SYBU: variants seen among roughly 807,000 people sequenced by gnomAD.
SYBU encodes the protein GOLSYN A protein.
SYBU carries 21 observed loss-of-function variants against 35.9 expected under a neutral mutation model. That is an observed-to-expected ratio of 0.58 (90% confidence interval 0.41 to 0.84). The LOEUF (loss-of-function observed/expected upper bound fraction) is 0.84, where lower values mean the gene tolerates loss of function less well. SYBU is among the 40% of genes least tolerant of loss of function. SYBU has a pLI of 0.00. For missense variants in SYBU, 768 were observed against 848.2 expected (o/e 0.91, Z 1.17); for synonymous variants, 319 against 324.3 (o/e 0.98, Z 0.18).
intron 2 of SYBU, among the ~76,000 whole-genome samples, chr8:109,641,453 A>C (rs866669554): frequency 6.6e-6 from 1 of 152,224 alleles, no homozygotes; most frequent in South Asian, 2.1e-4. Flanking sequence ...ATCTCATTTT[A>C]TGGATGTAAC....
Position 109,584,845 on chromosome 8 carries a change from A to G in SYBU, c.530+1215T>C, listed in dbSNP as rs10105594. Among the ~76,000 whole-genome samples, 2,490 of 152,258 alleles carry G rather than the reference A, an allele frequency of 0.016. 43 individuals are homozygous for G. The highest frequency in any genetic ancestry group is 0.039 in the African/African-American group (1,632 of 41,550). The stretch of plus-strand genomic sequence containing the variant: ...TAGATTTTCTCCAGGAAGAGACCTT[A>G]AAAAGTCACACAGTACAACTGTCTT... On this transcript the variant is annotated intron_variant, in intron 4 of 6. Transcript: ENST00000276646. The surrounding 1 kb of genome is among the most constrained non-coding windows in gnomAD (Gnocchi z 4.0).
chr8:109,607,634 T>A (rs1406179306), intron 3 of SYBU, among the ~76,000 whole-genome samples: 2 of 152,210 alleles, frequency 1.3e-5, no homozygotes, highest in South Asian at 4.1e-4. Context: ...CTTTTTCATT[T>A]TGGCATCAAA....
At chr8:109,641,653 C>G (rs549187392) in intron 2 of SYBU, among the ~76,000 whole-genome samples, 1 of 152,322 alleles carries the variant, frequency 6.6e-6, no homozygotes, top group Admixed American at 6.5e-5. Flanking sequence ...TTAGGAATTG[C>G]TTTATCTTTG....
Position 109,584,511 on chromosome 8 carries a change from A to G in SYBU, c.530+1549T>C, listed in dbSNP as rs768092723. Among the ~76,000 whole-genome samples, 1 of 152,114 alleles carries G rather than the reference A, an allele frequency of 6.6e-6. No homozygotes were observed. Among genetic ancestry groups the G allele is most frequent in the Non-Finnish European group, 1.5e-5 (1 of 68,034 alleles). ...CTTGAGTGGGTTATATAAATGGTTT[A>G]TTCTTAGAGCAAGCCACATCTGATT... is the stretch of plus-strand genomic sequence containing the variant. On this transcript the variant is annotated intron_variant, in intron 4 of 6. Transcript: ENST00000276646. The surrounding 1 kb of genome is among the most constrained non-coding windows in gnomAD (Gnocchi z 4.0).
At chr8:109,595,361 C>T (rs889176980) in intron 3 of SYBU, among the ~76,000 whole-genome samples, 1 of 152,240 alleles carries the variant, frequency 6.6e-6, no homozygotes, top group African/African-American at 2.4e-5. Context: ...CCCAATTTCA[C>T]AGGAAGGCCT....
intron 3 of SYBU, among the ~76,000 whole-genome samples, chr8:109,614,812 T>C (rs1273824699): frequency 6.6e-5 from 10 of 152,242 alleles, no homozygotes. Context: ...CAATTTTTAA[T>C]TAAATCTGCA....
intron 1 of SYBU, among the ~76,000 whole-genome samples, chr8:109,649,920 A>T (rs1436148074): frequency 3.3e-5 from 5 of 152,238 alleles, no homozygotes; most frequent in Non-Finnish European, 5.9e-5. Context: ...TCATGTGATT[A>T]GACAATCTGT....
chr8:109,625,259 A>G (rs1208632737), intron 2 of SYBU, among the ~76,000 whole-genome samples: 2 of 152,244 alleles, frequency 1.3e-5, no homozygotes, highest in African/African-American at 4.8e-5. Context: ...ATATCCTGCT[A>G]TCATTTAATC....
intron 2 of SYBU, among the ~76,000 whole-genome samples, chr8:109,639,732 C>T (rs1318122652): frequency 1.3e-5 from 2 of 152,194 alleles, no homozygotes; most frequent in Non-Finnish European, 1.5e-5. Flanking sequence ...ACGAACACAC[C>T]TTCTGGCCTC....
chr8:109,642,715 G>C lies in SYBU; in HGVS notation c.229+13C>G. 1 of 1,564,456 alleles carries C rather than the reference G, an allele frequency of 6.4e-7. No homozygotes were observed. Among genetic ancestry groups the C allele is most frequent in the Non-Finnish European group, 8.7e-7 (1 of 1,154,686 alleles). On this transcript the variant is annotated intron_variant, in intron 2 of 6. Coordinates refer to ENST00000276646, the MANE Select transcript of SYBU (RefSeq NM_001099754.2). ...CGCTTCACGCCTCTGGTGGCCTCCC[G>C]AGGGTACTGTACCTGAGCAGAAGCT...
At chr8:109,645,099 T>G (rs893118195), upstream of SYBU, 2 of 470,326 alleles carry the variant, frequency 4.3e-6, no homozygotes, top group Admixed American at 2.3e-5. Context: ...CCCTCTTTTT[T>G]TTTTGCACTT....
chr8:109,683,881 C>T (rs1460648874), upstream of SYBU, among the ~76,000 whole-genome samples: 2 of 152,154 alleles, frequency 1.3e-5, no homozygotes, highest in Non-Finnish European at 2.9e-5. Context: ...GAGCTTCCCC[C>T]CTTTTTCTTT....
chr8:109,666,784 A>G (rs2130752562), intron 1 of SYBU, among the ~76,000 whole-genome samples: 1 of 152,332 alleles, frequency 6.6e-6, no homozygotes, highest in South Asian at 2.1e-4. Flanking sequence ...TTAAAATTAT[A>G]GTAAGAGCTT....
intron 4 of SYBU, 143 bp from the exon 5 acceptor site, chr8:109,580,145 G>A (rs1400485587): frequency 2.7e-6 from 2 of 730,692 alleles, no homozygotes; most frequent in African/African-American, 3.5e-5. Context: ...GTCCTTAGGA[G>A]CGGCCTTCTT....
intron 2 of SYBU, among the ~76,000 whole-genome samples, chr8:109,639,573 G>T (rs1814618995): frequency 1.3e-5 from 2 of 152,242 alleles, no homozygotes; most frequent in African/African-American, 4.8e-5. Context: ...ATAAAGAAGA[G>T]AAGCTAATAC....
chr8:109,614,673 C>T (rs572116565), intron 3 of SYBU, among the ~76,000 whole-genome samples: 46 of 152,252 alleles, frequency 3.0e-4, no homozygotes, highest in Non-Finnish European at 3.7e-4. Flanking sequence ...TACTTTATGA[C>T]AGACACAAAT....
At chr8:109,596,759 G>A (rs1824927714) in intron 3 of SYBU, among the ~76,000 whole-genome samples, 2 of 152,100 alleles carry the variant, frequency 1.3e-5, no homozygotes, top group South Asian at 4.1e-4. Context: ...ATGAGAAAAT[G>A]AGTTGACTTT....
chr8:109,671,901 T>C (rs1393823684), intron 1 of SYBU, among the ~76,000 whole-genome samples: 1 of 152,152 alleles, frequency 6.6e-6, no homozygotes, highest in Non-Finnish European at 1.5e-5. Flanking sequence ...CAAAATGAAT[T>C]TTTTTTGTTT....
chr8:109,574,773 TA>T lies in SYBU; in HGVS notation c.*132del. 9.7e-7 allele frequency: 1 copy of T among 1,028,766 alleles called. No individual in the cohort carries two copies. Among genetic ancestry groups the T allele is most frequent in the Non-Finnish European group, 1.4e-6 (1 of 730,310 alleles). The allele number at this position is 1,028,766 out of a possible 1,614,324, so 63.7% of individuals were successfully genotyped here. A position where few individuals can be genotyped will look rare whatever the true frequency, so the allele number is the denominator to read the frequency against. ...TTTTAAACAGTGAACAGGCTTCAAC[TA>T]AATATAGTGCAAATCAAATACCAAG... On this transcript the variant is annotated 3_prime_UTR_variant, in exon 7 of 7. Coordinates refer to ENST00000276646, the MANE Select transcript of SYBU (RefSeq NM_001099754.2).
Sources: allele counts gnomAD v4.1 joint callset (sites outside exome capture counted in the v4.1 genomes callset), GRCh38; gene constraint gnomAD v4.1.1; non-coding constraint Gnocchi (gnomAD v3.1); transcripts MANE v1.5; gene names NCBI Gene and HGNC (gene_info 2026-07-23, HGNC 2026-07-21).